The following AFMID variants were observed in gnomAD, a reference collection of about 807,000 sequenced individuals.
AFMID encodes the protein arylformamidase.
Under a neutral mutation model 47.5 loss-of-function variants are expected in AFMID, and 39 were observed. The ratio of observed to expected loss-of-function variants is 0.82; its 90% CI spans 0.64 to 1.07. AFMID has a LOEUF of 1.07. AFMID is among the 50% of genes least tolerant of loss of function. The pLI, the probability that AFMID is intolerant of heterozygous loss-of-function variation, is 0.00. For missense variants in AFMID, 375 were observed against 387.5 expected (o/e 0.97, Z 0.27); for synonymous variants, 130 against 153.2 (o/e 0.85, Z 1.12).
At chr17:78,190,780 G>A in intron 1 of AFMID, 190 bp from the exon 2 acceptor site, 2 of 554,044 alleles carry the variant, frequency 3.6e-6, no homozygotes, top group Non-Finnish European at 6.5e-6. Flanking sequence ...CCTTAAGGCT[G>A]CCAGCTGGCT....
At chr17:78,195,307 G>T (rs968215367) in intron 2 of AFMID, among the ~76,000 whole-genome samples, 2 of 151,734 alleles carry the variant, frequency 1.3e-5, no homozygotes, top group African/African-American at 4.8e-5. Flanking sequence ...CAGTTCTTGT[G>T]CCTCAGCTGC....
chr17:78,196,794 T>C (rs1325702629), intron 2 of AFMID, among the ~76,000 whole-genome samples: 1 of 152,196 alleles, frequency 6.6e-6, no homozygotes, highest in Non-Finnish European at 1.5e-5. Flanking sequence ...GAGTTGTAAA[T>C]AATAGCAATG....
Position 78,202,733 on chromosome 17 carries a change from G to A in AFMID, c.290G>A (p.Gly97Glu). 2 of 1,558,802 alleles carry A rather than the reference G, an allele frequency of 1.3e-6. No individual in the cohort carries two copies. Among genetic ancestry groups the A allele is most frequent in the South Asian group, 1.2e-5 (1 of 84,600 alleles). The change falls in exon 4 of 11, where the codon GGA becomes GAA. Residue 97 changes from glycine (G) to glutamate (E), a missense_variant. By Grantham distance (98) the Gly-to-Glu change is moderately conservative (BLOSUM62 -2). Coordinates refer to ENST00000409257, the MANE Select transcript of AFMID (RefSeq NM_001010982.5). The stretch of plus-strand genomic sequence containing the variant: ...CCTTTCTTCCTGTTCTTTCACGGAG[G>A]ATACTGGCAGAGCGGAAGGTGAGTC... ...ALPFFLFFHG[G>E]YWQSGSKDES...
At chr17:78,198,436 T>C (rs1403051340) in intron 2 of AFMID, among the ~76,000 whole-genome samples, 2 of 145,040 alleles carry the variant, frequency 1.4e-5, no homozygotes, top group Non-Finnish European at 3.0e-5. Flanking sequence ...CCATCTCTAC[T>C]ACAAATACAA....
intron 10 of AFMID, among the ~76,000 whole-genome samples, chr17:78,206,565 C>T (rs2076388139): frequency 8.5e-6 from 1 of 118,070 alleles, no homozygotes; most frequent in Non-Finnish European, 1.7e-5. Flanking sequence ...TGCCACTGTG[C>T]CCTGCTAATT....
intron 2 of AFMID, among the ~76,000 whole-genome samples, chr17:78,195,234 G>T (rs1371990979): frequency 6.6e-6 from 1 of 150,650 alleles, no homozygotes; most frequent in Non-Finnish European, 1.5e-5. Flanking sequence ...TCACTCTGTT[G>T]CCCAGGCTGG....
At chr17:78,201,327 A>C (rs1042271705) in intron 2 of AFMID, among the ~76,000 whole-genome samples, 5 of 151,650 alleles carry the variant, frequency 3.3e-5, no homozygotes, top group Non-Finnish European at 7.4e-5. Context: ...TAGGATAAAA[A>C]ATAAAGCAAG....
chr17:78,191,734 G>A (rs1238649157), intron 2 of AFMID, among the ~76,000 whole-genome samples: 3 of 151,106 alleles, frequency 2.0e-5, no homozygotes, highest in Non-Finnish European at 2.9e-5. Flanking sequence ...CTGTTGCCCA[G>A]GCTGGAGTGC....
intron 2 of AFMID, among the ~76,000 whole-genome samples, chr17:78,194,330 C>T (rs1385842868): frequency 2.0e-5 from 3 of 151,954 alleles, no homozygotes; most frequent in Admixed American, 6.6e-5. Context: ...TCACCATGTT[C>T]GCCAGGTTGG....
At chr17:78,198,549 A>C (rs897644755) in intron 2 of AFMID, among the ~76,000 whole-genome samples, 1 of 151,852 alleles carries the variant, frequency 6.6e-6, no homozygotes, top group African/African-American at 2.4e-5. Context: ...CAGAGGTTGC[A>C]GATCACTTGA....
chr17:78,191,670 C>CAAAAA (rs113967464), intron 2 of AFMID, among the ~76,000 whole-genome samples: 1 of 128,858 alleles, frequency 7.8e-6, no homozygotes. Flanking sequence ...GACCCTGTCT[C>CAAAAA]AAAAAAAAAA....
intron 1 of AFMID, among the ~76,000 whole-genome samples, chr17:78,188,899 T>C (rs1010677173): frequency 2.5e-4 from 38 of 151,948 alleles, no homozygotes; most frequent in African/African-American, 9.2e-4. Context: ...GCCTGGCCAA[T>C]TTTTGTATTT....
chr17:78,205,124 G>A lies in AFMID; in HGVS notation c.499G>A (p.Ala167Thr). 1.2e-6 allele frequency: 2 copies of A among 1,612,652 alleles called. No homozygotes were observed. The highest frequency in any genetic ancestry group is 1.7e-6 in the Non-Finnish European group (2 of 1,179,458). Residue 167 changes from alanine (A) to threonine (T), a missense_variant, in exon 7 of 11, where the codon GCC becomes ACC. By Grantham distance (58) the Ala-to-Thr change is moderately conservative. Coordinates refer to ENST00000409257, the MANE Select transcript of AFMID (RefSeq NM_001010982.5). Reference protein sequence around the residue: ...GIYLCGHSAGAHLAAMMLLAD... With the variant: ...GIYLCGHSAGTHLAAMMLLAD... ...TTACCTGTGTGGACACTCAGCCGGG[G>A]CCCACCTGGCTGCCATGATGCTCCT...
chr17:78,201,783 T>C (rs2076249217), intron 2 of AFMID, among the ~76,000 whole-genome samples: 1 of 151,694 alleles, frequency 6.6e-6, no homozygotes, highest in South Asian at 2.1e-4. Flanking sequence ...CAGGCTAGAG[T>C]GCAGTGGCGT....
intron 4 of AFMID, chr17:78,203,004 C>T (rs1402027574): frequency 1.9e-6 from 1 of 528,414 alleles, no homozygotes; most frequent in East Asian, 3.2e-5. Flanking sequence ...CCAGCCTCTG[C>T]CTCCATTCAC....
intron 1 of AFMID, among the ~76,000 whole-genome samples, chr17:78,189,218 AC>A (rs2075892165): frequency 8.1e-6 from 1 of 123,344 alleles, no homozygotes; most frequent in African/African-American, 3.5e-5. Context: ...GTTCCTTGTT[AC>A]TTTTTTTTTT....
rs1339875347 is a variant in AFMID at position 78,206,657 on chromosome 17, C to G, written c.886-254C>G. Among the ~76,000 whole-genome samples the G allele has an allele frequency of 2.0e-5, 3 of 151,630 alleles. No individual in the cohort carries two copies. The East Asian group carries it at 5.8e-4, about 30-fold the overall frequency. On this transcript the variant is annotated intron_variant, in intron 10 of 10. Transcript: ENST00000409257. ...TCTTCCTTCTTCTTCTTCCTCCTTC[C>G]TCCTTCATCTTCTTTCTTCTCCTCC...
At chr17:78,197,035 A>G (rs1015368573) in intron 2 of AFMID, 1 of 893,730 alleles carries the variant, frequency 1.1e-6, no homozygotes. Flanking sequence ...AGGCTTATGC[A>G]TGATAATGAA....
chr17:78,192,671 T>C, intron 2 of AFMID: 1 of 470,808 alleles, frequency 2.1e-6, no homozygotes, highest in Non-Finnish European at 4.4e-6. Context: ...ACTAGTGAAG[T>C]CTTAAGGTCC....
Sources: gnomAD v4.1 joint callset for allele counts (sites outside exome capture counted in the v4.1 genomes callset) on GRCh38, gnomAD v4.1.1 for gene constraint, MANE v1.5 for transcripts, NCBI Gene and HGNC (gene_info 2026-07-23, HGNC 2026-07-21) for gene names.